The following NF2 variants were observed in gnomAD, a reference collection of about 807,000 sequenced individuals.
NF2 encodes merlin.
In NF2, 8 loss-of-function variants were observed where a neutral mutation model predicts 83.7. The observed-to-expected ratio is 0.10, with a 90% confidence interval of 0.06 to 0.17. The LOEUF (loss-of-function observed/expected upper bound fraction) is 0.17. Among genes scored for constraint, NF2 ranks in the 10% least tolerant of loss-of-function variants. The probability of loss-of-function intolerance (pLI) is 1.00; values close to 1 mark genes in which losing one functional copy is unlikely to be tolerated. For missense variants in NF2, 533 were observed against 744.4 expected, an observed-to-expected ratio of 0.72 and a Z score of 3.31; for synonymous variants, 266 against 269.6, an observed-to-expected ratio of 0.99 and a Z score of 0.13.
At chr22:29,680,672 G>A (rs188954432) in intron 14 of NF2, among the ~76,000 whole-genome samples, 3 of 152,220 alleles carry the variant, frequency 2.0e-5, no homozygotes, top group African/African-American at 2.4e-5. Flanking sequence ...TCTTCCTTGC[G>A]TTGGGTGAGC....
intron 8 of NF2, among the ~76,000 whole-genome samples, chr22:29,664,582 C>T (rs908489463): frequency 6.6e-6 from 1 of 152,172 alleles, no homozygotes. Flanking sequence ...CCCAGTGAAG[C>T]ACTAATATTT....
rs745823791 is a variant in NF2, at chr22:29,654,771, G to A, written c.516+46G>A. 5 of 1,448,978 alleles carry A rather than the reference G, an allele frequency of 3.5e-6. No homozygotes were observed. In the African/African-American group the frequency reaches 5.6e-5, roughly 16 times the overall value. 89.8% of individuals were successfully genotyped at this position (1,448,978 alleles called of 1,614,324 possible). ...TTCAGGAAGACATAGCAGATATGTG[G>A]TCTAAAAGAAAGCTAACCAAAGGAC... is the stretch of plus-strand genomic sequence containing the variant. On this transcript the variant is annotated intron_variant, in intron 5 of 15. Coordinates refer to ENST00000338641, the MANE Select transcript of NF2 (RefSeq NM_000268.4).
chr22:29,608,942 A>G lies in NF2; in HGVS notation c.114+4830A>G, dbSNP rs2064876999. 5.4e-5 allele frequency: 32 copies of G among 591,986 alleles called. No homozygotes were observed. In the South Asian group the frequency reaches 5.8e-4, roughly 11 times the overall value. The allele number at this position is 591,986 out of a possible 1,614,324, so 36.7% of individuals were successfully genotyped here. The stretch of plus-strand genomic sequence containing the variant: ...GATTGGCCTGTCCATCCTCAATGCT[A>G]CCTGGCCAATTTAGGGGCCCAGTGC... On this transcript the variant is annotated intron_variant, in intron 1 of 15. Coordinates refer to ENST00000338641, the MANE Select transcript of NF2 (RefSeq NM_000268.4).
At chr22:29,639,254 C>A (rs771578995) in intron 3 of NF2, 42 bp downstream of exon 3, 1 of 1,612,782 alleles carries the variant, frequency 6.2e-7, no homozygotes, top group Non-Finnish European at 8.5e-7. Flanking sequence ...AGAGAACTTG[C>A]CCAGGAGTGG....
chr22:29,658,288 C>A (rs1208890147), intron 7 of NF2, 24 bp downstream of exon 7: 14 of 1,605,054 alleles, frequency 8.7e-6, no homozygotes, highest in East Asian at 2.2e-5. Flanking sequence ...TCTCTGAGCT[C>A]CTTGTGTAGT....
In NF2 at chr22:29,681,464, C is replaced by T. The variant is rs769370159; in HGVS notation, c.1600C>T (p.His534Tyr). ...AGTGGAATACATGGAAAAGAGCAAG[C>T]ATCTGCAGGAGCAGCTCAATGAACT... ...EKVEYMEKSK[H>Y]LQEQLNELKT... Residue 534 changes from histidine to tyrosine, a missense_variant, in exon 15 of 16, where the codon CAT becomes TAT. By Grantham distance (83) the His-to-Tyr change is moderately conservative. Around this residue, in one of 3 missense-constraint regions of NF2, gnomAD observed 199 missense variants for 240.7 expected, o/e 0.83. Transcript: ENST00000338641. The T allele has an allele frequency of 6.2e-7, 1 of 1,614,118 alleles. No individual in the cohort carries two copies. Among genetic ancestry groups the T allele is most frequent in the South Asian group, 1.1e-5 (1 of 91,078 alleles).
In NF2 at chr22:29,603,901, C is replaced by T; in HGVS notation, c.-98C>T. On this transcript the variant is annotated 5_prime_UTR_variant, in exon 1 of 16. Transcript: ENST00000338641. ...GTTCCCGGGCCGGGCAGCCGGCCAC[C>T]ATGGTGGCCCTGAGGCCTGTGCAGC... 4 of 942,250 alleles carry T rather than the reference C, an allele frequency of 4.2e-6. No homozygotes were observed. The highest frequency in any genetic ancestry group is 3.2e-4 in the Middle Eastern group (1 of 3,162). 58.4% of individuals were successfully genotyped at this position (942,250 alleles called of 1,614,324 possible).
chr22:29,669,017 C>T (rs557328856), intron 10 of NF2, among the ~76,000 whole-genome samples: 1 of 152,352 alleles, frequency 6.6e-6, no homozygotes, highest in African/African-American at 2.4e-5. Flanking sequence ...GAAATCCACA[C>T]AACTAATTTG....
rs546078417 is a variant in NF2 at position 29,690,213 on chromosome 22, T to C, written c.1738-4539T>C. ...GAGGAGGAACAGTTGAAGATGCAGATTGCATGCCTGGGTTAGAGAGTGCCG... is the reference window on the plus strand; with the variant it reads ...GAGGAGGAACAGTTGAAGATGCAGACTGCATGCCTGGGTTAGAGAGTGCCG... On this transcript the variant is annotated intron_variant, in intron 15 of 15. Transcript: ENST00000338641. 1.6e-4 allele frequency among the ~76,000 whole-genome samples: 25 copies of C among 152,306 alleles called. No homozygotes were observed. In the South Asian group the frequency reaches 5.2e-3, roughly 32 times the overall value.
intron 15 of NF2, among the ~76,000 whole-genome samples, chr22:29,686,456 A>G (rs564899765): frequency 6.6e-6 from 1 of 152,350 alleles, no homozygotes; most frequent in East Asian, 1.9e-4. Context: ...CCTGACCAAC[A>G]TGGAGAAACC....
At chr22:29,656,963 C>A (rs1432039806) in intron 6 of NF2, among the ~76,000 whole-genome samples, 1 of 150,958 alleles carries the variant, frequency 6.6e-6, no homozygotes, top group East Asian at 2.0e-4. Flanking sequence ...AGGAATTGGT[C>A]ATGTTTTCAT....
chr22:29,690,333 G>A (rs2067372403), intron 15 of NF2, among the ~76,000 whole-genome samples: 1 of 152,178 alleles, frequency 6.6e-6, no homozygotes, highest in Non-Finnish European at 1.5e-5. Flanking sequence ...GGGTGGATGT[G>A]TCTGTTTTTG....
chr22:29,627,965 A>G lies in NF2; in HGVS notation c.115-8786A>G, dbSNP rs770834137. 7.3e-4 allele frequency among the ~76,000 whole-genome samples: 111 copies of G among 152,230 alleles called. 2 individuals are homozygous for G. Among genetic ancestry groups the G allele is most frequent in the Non-Finnish European group, 1.3e-3 (89 of 68,044 alleles). ...TAATTATGCAATTACATTTTTAATAACGAGTGTCATAAATTCTTGCTTCAT... is the reference window on the plus strand; with the variant it reads ...TAATTATGCAATTACATTTTTAATAGCGAGTGTCATAAATTCTTGCTTCAT... On this transcript the variant is annotated intron_variant, in intron 1 of 15. Coordinates refer to ENST00000338641, the MANE Select transcript of NF2 (RefSeq NM_000268.4).
At chr22:29,623,145 A>G (rs1365492733) in intron 1 of NF2, among the ~76,000 whole-genome samples, 2 of 150,582 alleles carry the variant, frequency 1.3e-5, no homozygotes, top group Non-Finnish European at 1.5e-5. Flanking sequence ...GGATCCCGCT[A>G]TGTTGCCTAG....
intron 15 of NF2, chr22:29,683,731 G>A (rs1183058059): frequency 4.7e-6 from 5 of 1,069,160 alleles, no homozygotes; most frequent in African/African-American, 1.6e-5. Flanking sequence ...CAGAGATGTG[G>A]TCAGAGTGAA....
intron 8 of NF2, among the ~76,000 whole-genome samples, chr22:29,663,374 A>G (rs1457174819): frequency 6.6e-6 from 1 of 152,244 alleles, no homozygotes; most frequent in Non-Finnish European, 1.5e-5. Flanking sequence ...AGGCGCCATC[A>G]TGTTCCATCA....
chr22:29,692,898 C>T (rs1477962533), intron 15 of NF2, among the ~76,000 whole-genome samples: 1 of 152,238 alleles, frequency 6.6e-6, no homozygotes, highest in Admixed American at 6.5e-5. Flanking sequence ...TGCCATCACG[C>T]CCGCTTCACA....
intron 11 of NF2, among the ~76,000 whole-genome samples, chr22:29,672,873 G>T (rs1045886371): frequency 6.6e-6 from 1 of 151,992 alleles, no homozygotes; most frequent in Non-Finnish European, 1.5e-5. Context: ...GCCCGCCTCA[G>T]CCTCCCAAAA....
At chr22:29,680,676 GGTGAGCTTCTGA>G (rs1412605814) in intron 14 of NF2, among the ~76,000 whole-genome samples, 1 of 152,114 alleles carries the variant, frequency 6.6e-6, no homozygotes, top group Non-Finnish European at 1.5e-5. Context: ...CCTTGCGTTG[GGTGAGCTTCTGA>G]GTGAGCTTCT....
Sources: allele counts gnomAD v4.1 joint callset (sites outside exome capture counted in the v4.1 genomes callset), GRCh38; gene constraint gnomAD v4.1.1; regional missense constraint gnomAD v4.1.1; transcripts MANE v1.5; gene names NCBI Gene and HGNC (gene_info 2026-07-23, HGNC 2026-07-21).